Variants in PRR16 observed in about 807,000 individuals in gnomAD.
PRR16 encodes the protein protein Largen.
PRR16 carries 6 observed loss-of-function variants against 18.2 expected under a neutral mutation model. The ratio of observed to expected loss-of-function variants is 0.33; its 90% confidence interval spans 0.18 to 0.65. PRR16 has a LOEUF of 0.65. PRR16 is among the 30% of genes least tolerant of loss of function. The pLI is 0.74. For synonymous variants in PRR16, 151 were observed against 147.8 expected (o/e 1.02, Z -0.16); for missense variants, 412 against 376.6 (o/e 1.09, Z -0.78).
At chr5:120,691,393 T>C (rs1580886720), downstream of PRR16, among the ~76,000 whole-genome samples, 2 of 152,348 alleles carry the variant, frequency 1.3e-5, no homozygotes, top group South Asian at 4.1e-4. Context: ...CCATCTAAAA[T>C]GAATCAGCTG....
At chr5:120,546,567 G>A (rs1214754969) in intron 1 of PRR16, among the ~76,000 whole-genome samples, 3 of 152,102 alleles carry the variant, frequency 2.0e-5, no homozygotes, top group Non-Finnish European at 4.4e-5. Flanking sequence ...GCATGTCAGT[G>A]TTTAACTTGA....
chr5:120,546,473 C>T (rs939666940), intron 1 of PRR16, among the ~76,000 whole-genome samples: 4 of 152,048 alleles, frequency 2.6e-5, no homozygotes, highest in Non-Finnish European at 4.4e-5. Context: ...GAACCAGCAA[C>T]AGCATGGCCC....
chr5:120,666,606 A>G (rs942657925), intron 1 of PRR16, among the ~76,000 whole-genome samples: 49 of 152,248 alleles, frequency 3.2e-4, no homozygotes, highest in Non-Finnish European at 2.6e-4. Context: ...TGTCATAGGT[A>G]GCTCTTATTA....
intron 1 of PRR16, among the ~76,000 whole-genome samples, chr5:120,479,491 C>T (rs946580527): frequency 2.0e-4 from 30 of 152,062 alleles, no homozygotes; most frequent in African/African-American, 7.0e-4. Context: ...TTATTTTGAA[C>T]ATAGAAATTA....
rs193257426 is a variant in PRR16, at chr5:120,648,488, T to C, written c.160-37466T>C. 4.6e-5 allele frequency among the ~76,000 whole-genome samples: 7 copies of C among 152,258 alleles called. No homozygotes were observed. The East Asian group carries it at 1.4e-3, about 29-fold the overall frequency. On this transcript the variant is annotated intron_variant, in intron 1 of 1. Coordinates refer to ENST00000407149, the MANE Select transcript of PRR16 (RefSeq NM_001300783.2). ...TACATTCAGAATTTGTTAAGCTCAG[T>C]ATAGAAGCTTTCTGCCTGAGAGATG...
chr5:120,721,726 T>C, the PRR16 span, among the ~76,000 whole-genome samples: 2 of 152,054 alleles, frequency 1.3e-5, no homozygotes, highest in African/African-American at 4.8e-5. Context: ...AAAATTATTG[T>C]TCTTGCTTCC....
At chr5:120,732,697 C>T in the PRR16 span, among the ~76,000 whole-genome samples, 3 of 152,174 alleles carry the variant, frequency 2.0e-5, no homozygotes, top group South Asian at 6.2e-4. Flanking sequence ...TAGGTCAGCA[C>T]CTGTGTAACC....
At chr5:120,572,586 G>T (rs1339339337) in intron 1 of PRR16, among the ~76,000 whole-genome samples, 1 of 152,050 alleles carries the variant, frequency 6.6e-6, no homozygotes, top group Non-Finnish European at 1.5e-5. Context: ...AAAGAGCTTT[G>T]AGCAGAGAGA....
chr5:120,743,297 T>C, the PRR16 span, among the ~76,000 whole-genome samples: 84 of 152,312 alleles, frequency 5.5e-4, no homozygotes, highest in Non-Finnish European at 1.0e-3. Context: ...TTTTATATCT[T>C]GGTTAGTAAA....
the PRR16 span, chr5:120,790,591 G>A: frequency 6.6e-6 from 1 of 152,194 alleles, no homozygotes. Context: ...TAATAGCATT[G>A]TTGTCAATTG....
intron 1 of PRR16, among the ~76,000 whole-genome samples, chr5:120,533,499 G>A (rs1490857470): frequency 6.6e-6 from 1 of 152,160 alleles, no homozygotes; most frequent in Non-Finnish European, 1.5e-5. Flanking sequence ...GAGGGGTAGG[G>A]ATAAGTGCTA....
chr5:120,490,148 A>T (rs1383937814), intron 1 of PRR16, among the ~76,000 whole-genome samples: 3 of 151,940 alleles, frequency 2.0e-5, no homozygotes, highest in Non-Finnish European at 4.4e-5. Context: ...GCTGTTCTCG[A>T]GGAGTATCTT....
At chr5:120,696,394 G>A in the PRR16 span, among the ~76,000 whole-genome samples, 2 of 152,282 alleles carry the variant, frequency 1.3e-5, no homozygotes, top group Admixed American at 6.5e-5. Context: ...ATTAAAGGCA[G>A]TACTTACCAT....
the PRR16 span, among the ~76,000 whole-genome samples, chr5:120,700,686 G>C: frequency 6.6e-6 from 1 of 152,096 alleles, no homozygotes; most frequent in Non-Finnish European, 1.5e-5. Flanking sequence ...ACCCACAACA[G>C]TTATGGAGGC....
At chr5:120,605,553 G>A (rs1584464) in intron 1 of PRR16, among the ~76,000 whole-genome samples, 14,026 of 152,152 alleles carry the variant, frequency 0.092, 1,382 homozygotes, top group African/African-American at 0.26. Context: ...AATCATTGCT[G>A]CACAGCTAGT....
the PRR16 span, among the ~76,000 whole-genome samples, chr5:120,698,705 G>A: frequency 6.6e-6 from 1 of 152,060 alleles, no homozygotes; most frequent in Admixed American, 6.6e-5. Flanking sequence ...AGCATTCTGA[G>A]GACAGGCCTG....
At chr5:120,590,105 T>C (rs1753583042) in intron 1 of PRR16, among the ~76,000 whole-genome samples, 1 of 152,182 alleles carries the variant, frequency 6.6e-6, no homozygotes, top group African/African-American at 2.4e-5. Flanking sequence ...CATTTAGCTG[T>C]AAGAGTAGTT....
At chr5:120,643,982 G>A (rs760585238) in intron 1 of PRR16, among the ~76,000 whole-genome samples, 4 of 152,078 alleles carry the variant, frequency 2.6e-5, no homozygotes, top group African/African-American at 4.8e-5. Flanking sequence ...TCCAGCCTGG[G>A]TGACAGAGCA....
At chr5:120,758,634 G>A in the PRR16 span, among the ~76,000 whole-genome samples, 9 of 152,156 alleles carry the variant, frequency 5.9e-5, no homozygotes, top group East Asian at 5.8e-4. Context: ...TGGTTTAAAA[G>A]TGGCAGTTTC....
Sources: allele counts gnomAD v4.1 joint callset (sites outside exome capture counted in the v4.1 genomes callset), GRCh38; gene constraint gnomAD v4.1.1; transcripts MANE v1.5; gene names NCBI Gene and HGNC (gene_info 2026-07-23, HGNC 2026-07-21).